Variants in CLEC17A observed in about 807,000 individuals in gnomAD.
The protein encoded by CLEC17A is C-type lectin domain containing 17A, also known as C-type lectin domain family 17, member A.
CLEC17A carries 37 observed loss-of-function variants against 61.3 expected under a neutral mutation model. The observed-to-expected ratio is 0.60, with a 90% confidence interval of 0.46 to 0.79. CLEC17A has a LOEUF of 0.79. CLEC17A is among the 30% of genes least tolerant of loss of function. CLEC17A has a pLI of 0.00. For missense variants in CLEC17A, 418 were observed against 464.7 expected (o/e 0.90, Z 0.92); for synonymous variants, 168 against 164.9 (o/e 1.02, Z -0.14).
chr19:14,583,320 G>A lies in CLEC17A; in HGVS notation c.44-37G>A, dbSNP rs374598549. 200 of 1,606,984 alleles carry A rather than the reference G, an allele frequency of 1.2e-4. 1 individual carries two copies. The highest frequency in any genetic ancestry group is 3.4e-5 in the Non-Finnish European group (40 of 1,176,910). ...AGGGCTTGAGGGATGGAGGGAGGAG[G>A]GAATGGCTGGGCTCTGACTTGCCTT... is the stretch of plus-strand genomic sequence containing the variant. On this transcript the variant is annotated intron_variant, in intron 1 of 13. Coordinates refer to ENST00000417570, the MANE Select transcript of CLEC17A (RefSeq NM_001204118.2).
At chr19:14,599,674 T>A in intron 10 of CLEC17A, 43 bp from the exon 11 acceptor site, 1 of 1,418,202 alleles carries the variant, frequency 7.1e-7, no homozygotes, top group African/African-American at 1.4e-5. Context: ...ATGGGTAGGA[T>A]GGGTTCTCAG....
chr19:14,606,922 G>T, intron 12 of CLEC17A, 71 bp from the exon 13 acceptor site: 1 of 705,358 alleles, frequency 1.4e-6, no homozygotes, highest in South Asian at 6.6e-5. Flanking sequence ...TGTAGGACAG[G>T]GCACAGGGCA....
Position 14,592,679 on chromosome 19 carries a change from TTTTTGAGATGGAA to T in CLEC17A, c.277+325_277+337del, listed in dbSNP as rs1372009138. On this transcript the variant is annotated intron_variant, in intron 4 of 13. Transcript: ENST00000417570. ...AGACATTTCTTTCTTTTTTTCTTTT[TTTTTGAGATGGAA>T]TTTCACTCTGTCACCCAGGCTGGAG... Among the ~76,000 whole-genome samples, 4 of 152,160 alleles carry T rather than the reference TTTTTGAGATGGAA, an allele frequency of 2.6e-5. No individual in the cohort carries two copies. In the East Asian group the frequency reaches 7.7e-4, roughly 29 times the overall value.
intron 2 of CLEC17A, chr19:14,584,155 C>G (rs2074233635): frequency 6.6e-6 from 1 of 151,580 alleles, no homozygotes; most frequent in Non-Finnish European, 1.5e-5. Flanking sequence ...TCAGTAGGAT[C>G]ACTTGAGCCC....
At chr19:14,603,097 C>G (rs2074764644) in intron 12 of CLEC17A, among the ~76,000 whole-genome samples, 2 of 152,168 alleles carry the variant, frequency 1.3e-5, no homozygotes, top group South Asian at 4.1e-4. Flanking sequence ...AAATCATATT[C>G]CCTAACTCAG....
At chr19:14,607,313 T>C (rs934195164) in intron 13 of CLEC17A, among the ~76,000 whole-genome samples, 2 of 151,282 alleles carry the variant, frequency 1.3e-5, no homozygotes, top group African/African-American at 4.9e-5. Context: ...CAAGGTATTC[T>C]CTGCCTCAGC....
chr19:14,591,582 C>T (rs1385033753), intron 3 of CLEC17A, among the ~76,000 whole-genome samples: 1 of 135,578 alleles, frequency 7.4e-6, no homozygotes, highest in Non-Finnish European at 1.5e-5. Context: ...GAGACAGAAT[C>T]TCACTCTGTC....
chr19:14,596,902 A>C lies in CLEC17A; in HGVS notation c.472A>C (p.Arg158=), dbSNP rs2074565104. The C allele has an allele frequency of 6.2e-7, 1 of 1,608,406 alleles. No homozygotes were observed. Among genetic ancestry groups the C allele is most frequent in the Non-Finnish European group, 8.5e-7 (1 of 1,177,406 alleles). The change falls in exon 9 of 14, where the codon AGG becomes CGG. Residue 158 remains arginine, a synonymous_variant. Transcript: ENST00000417570. ...AATPVPWLNQ[R]SGGPGCCQKR... ...AACTCCAGTCCCCTGGCTCAATCAG[A>C]GGTCTGGAGGTCCTGGCTGCTGCCA... is the stretch of plus-strand genomic sequence containing the variant.
At chr19:14,582,918 A>G (rs2074199402), upstream of CLEC17A, among the ~76,000 whole-genome samples, 2 of 151,810 alleles carry the variant, frequency 1.3e-5, no homozygotes, top group Non-Finnish European at 2.9e-5. Context: ...AGTTGTCATT[A>G]TTCCTTCTGT....
At chr19:14,590,998 T>C (rs1320409687) in intron 3 of CLEC17A, among the ~76,000 whole-genome samples, 1 of 151,246 alleles carries the variant, frequency 6.6e-6, no homozygotes, top group Non-Finnish European at 1.5e-5. Context: ...GCGCCCAGCC[T>C]ATTTCTGCGT....
At chr19:14,598,536 C>T (rs771423534) in intron 10 of CLEC17A, among the ~76,000 whole-genome samples, 7 of 151,842 alleles carry the variant, frequency 4.6e-5, no homozygotes, top group South Asian at 4.2e-4. Context: ...TACAGTGGCG[C>T]GATCTCAGCT....
At chr19:14,591,813 C>T (rs2074425387) in intron 3 of CLEC17A, among the ~76,000 whole-genome samples, 1 of 152,058 alleles carries the variant, frequency 6.6e-6, no homozygotes, top group African/African-American at 2.4e-5. Flanking sequence ...CAGCCTCAGC[C>T]TCCCAAAGTG....
At chr19:14,605,215 A>G (rs2074827759) in intron 12 of CLEC17A, among the ~76,000 whole-genome samples, 1 of 151,894 alleles carries the variant, frequency 6.6e-6, no homozygotes, top group Non-Finnish European at 1.5e-5. Context: ...CTCCTCTCTC[A>G]GCCTCCCGAG....
intron 3 of CLEC17A, among the ~76,000 whole-genome samples, chr19:14,587,999 G>T (rs186766384): frequency 6.6e-5 from 10 of 152,120 alleles, no homozygotes; most frequent in African/African-American, 2.2e-4. Context: ...CATTTCTTAA[G>T]AAGAGAAGTC....
upstream of CLEC17A, among the ~76,000 whole-genome samples, chr19:14,582,448 G>A (rs983420468): frequency 1.3e-5 from 2 of 151,948 alleles, no homozygotes; most frequent in African/African-American, 2.4e-5. Flanking sequence ...TCCTGACCTC[G>A]TGATCTGCCT....
rs2075040302 is a variant in CLEC17A, at chr19:14,611,597, G to A, written c.*1401G>A. On this transcript the variant is annotated 3_prime_UTR_variant, in exon 14 of 14. Coordinates refer to ENST00000417570, the MANE Select transcript of CLEC17A (RefSeq NM_001204118.2). ...AGCTGAAAAGCAAGACCCCTACATAGTGTGGCCAGGCAGGCCATAACCTGG... is the reference window on the plus strand; with the variant it reads ...AGCTGAAAAGCAAGACCCCTACATAATGTGGCCAGGCAGGCCATAACCTGG... Among the ~76,000 whole-genome samples, 1 of 152,008 alleles carries A rather than the reference G, an allele frequency of 6.6e-6. No homozygotes were observed. Among genetic ancestry groups the A allele is most frequent in the Non-Finnish European group, 1.5e-5 (1 of 67,996 alleles).
At chr19:14,601,164 A>G (rs542181712) in intron 12 of CLEC17A, among the ~76,000 whole-genome samples, 1 of 152,032 alleles carries the variant, frequency 6.6e-6, no homozygotes, top group African/African-American at 2.4e-5. Flanking sequence ...CTGCCTCCCA[A>G]AGTGCGGGGA....
At chr19:14,595,485 G>A (rs1281405878) in intron 8 of CLEC17A, among the ~76,000 whole-genome samples, 170 bp downstream of exon 8, 3 of 152,226 alleles carry the variant, frequency 2.0e-5, no homozygotes, top group African/African-American at 7.2e-5. Flanking sequence ...AAGTGAGAAA[G>A]CCATTCCTTG....
chr19:14,599,035 A>G (rs2074631417), intron 10 of CLEC17A, among the ~76,000 whole-genome samples: 1 of 139,694 alleles, frequency 7.2e-6, no homozygotes, highest in Non-Finnish European at 1.5e-5. Flanking sequence ...CCACTCTTAT[A>G]GGCTTTGCCG....
Sources: gnomAD v4.1 joint callset for allele counts (sites outside exome capture counted in the v4.1 genomes callset) on GRCh38, gnomAD v4.1.1 for gene constraint, MANE v1.5 for transcripts, NCBI Gene and HGNC (gene_info 2026-07-23, HGNC 2026-07-21) for gene names.